Variants in DRC9 observed in about 807,000 individuals in gnomAD.
The protein encoded by DRC9 is dynein regulatory complex subunit 9, also known as dynein regulatory complex protein 9.
At chr3:197,914,833 C>A in the DRC9 span, among the ~76,000 whole-genome samples, 1 of 152,188 alleles carries the variant, frequency 6.6e-6, no homozygotes, top group South Asian at 2.1e-4. Flanking sequence ...AGCGATGGCT[C>A]ATTCGATACC....
the DRC9 span, among the ~76,000 whole-genome samples, chr3:197,896,662 C>T: frequency 3.1e-3 from 476 of 152,270 alleles, 5 homozygotes; most frequent in African/African-American, 0.011. Flanking sequence ...TGGCAAATCC[C>T]GTGTCTGGTG....
At chr3:197,931,207 C>T in the DRC9 span, among the ~76,000 whole-genome samples, 6,979 of 151,314 alleles carry the variant, frequency 0.046, 270 homozygotes, top group African/African-American at 0.1. Flanking sequence ...CCAGGCCGAG[C>T]GCGGTGGCTC....
chr3:197,892,774 C>T, the DRC9 span: 1 of 1,613,816 alleles, frequency 6.2e-7, no homozygotes, highest in Non-Finnish European at 8.5e-7. Context: ...TTGGAAAGAA[C>T]ATGAAAACAT....
chr3:197,912,926 CTGTG>C, the DRC9 span: 1 of 616,020 alleles, frequency 1.6e-6, no homozygotes, highest in Non-Finnish European at 2.9e-6. Context: ...TGGCGCGGCA[CTGTG>C]TGGACTGCGT....
the DRC9 span, among the ~76,000 whole-genome samples, chr3:197,942,339 G>A: frequency 4.0e-3 from 500 of 125,468 alleles, 2 homozygotes; most frequent in African/African-American, 0.013. Flanking sequence ...AGCCAAGATC[G>A]CGCCACTGCA....
chr3:197,953,704 C>CT, the DRC9 span: 6 of 462,110 alleles, frequency 1.3e-5, no homozygotes, highest in Non-Finnish European at 2.0e-5. Flanking sequence ...CACACTTGTC[C>CT]TTTTTTGCTA....
the DRC9 span, among the ~76,000 whole-genome samples, chr3:197,920,821 A>C: frequency 6.6e-6 from 1 of 152,184 alleles, no homozygotes; most frequent in East Asian, 1.9e-4. Flanking sequence ...TGATGTTCAG[A>C]AGTCTGAAAC....
the DRC9 span, chr3:197,957,830 G>A: frequency 6.6e-6 from 1 of 152,172 alleles, no homozygotes; most frequent in Admixed American, 6.5e-5. Context: ...GGGTATTCAG[G>A]GATAGAGGCA....
the DRC9 span, among the ~76,000 whole-genome samples, chr3:197,908,385 C>G: frequency 7.1e-6 from 1 of 140,044 alleles, no homozygotes. Flanking sequence ...TGAAGAGTGA[C>G]CCCTTTCCCA....
chr3:197,950,088 G>C, the DRC9 span: 4 of 1,220,208 alleles, frequency 3.3e-6, no homozygotes, highest in Middle Eastern at 6.3e-4. Flanking sequence ...GTGCGAAGCC[G>C]ATTTCCGAGG....
At chr3:197,913,325 TGTGC>T in the DRC9 span, 1,302 of 190,838 alleles carry the variant, frequency 6.8e-3, 18 homozygotes, top group African/African-American at 0.027. Context: ...GCTTTGCGTG[TGTGC>T]GTGCGTGCGT....
At chr3:197,930,657 GA>G in the DRC9 span, among the ~76,000 whole-genome samples, 3 of 151,496 alleles carry the variant, frequency 2.0e-5, no homozygotes, top group African/African-American at 7.3e-5. Context: ...TTGAGCCTGG[GA>G]CCCAGGATGA....
the DRC9 span, chr3:197,938,578 G>A: frequency 2.0e-5 from 32 of 1,613,338 alleles, no homozygotes; most frequent in African/African-American, 9.3e-5. Flanking sequence ...CAGTGTCTCC[G>A]TAGTCATGAT....
At chr3:197,939,397 T>A in the DRC9 span, among the ~76,000 whole-genome samples, 40 of 152,314 alleles carry the variant, frequency 2.6e-4, no homozygotes, top group Admixed American at 5.2e-4. Context: ...CCAAAATAAT[T>A]TTTTTCAGAA....
At chr3:197,954,337 T>G in the DRC9 span, 1 of 579,982 alleles carries the variant, frequency 1.7e-6, no homozygotes, top group East Asian at 3.2e-5. Context: ...TTGTTTTTTG[T>G]TTTTTTTTTG....
chr3:197,918,553 G>A, the DRC9 span, among the ~76,000 whole-genome samples: 1 of 152,132 alleles, frequency 6.6e-6, no homozygotes, highest in Non-Finnish European at 1.5e-5. Context: ...GCCTTTTGCA[G>A]AAAACCTCAG....
the DRC9 span, chr3:197,954,251 G>C: frequency 8.4e-7 from 1 of 1,184,620 alleles, no homozygotes; most frequent in Non-Finnish European, 1.2e-6. Context: ...ATTGACACCA[G>C]TAAATTATGC....
the DRC9 span, among the ~76,000 whole-genome samples, chr3:197,942,143 A>C: frequency 6.6e-6 from 1 of 152,146 alleles, no homozygotes; most frequent in Non-Finnish European, 1.5e-5. Context: ...GAAAACTTAG[A>C]CCAAAAAAGT....
chr3:197,947,928 CTTTTTTT>C, the DRC9 span, among the ~76,000 whole-genome samples: 402 of 96,796 alleles, frequency 4.2e-3, 1 homozygote, highest in Non-Finnish European at 6.6e-3. Context: ...CCTGCTTTAC[CTTTTTTT>C]TTTTTTTTTT....
Sources: allele counts gnomAD v4.1 joint callset (sites outside exome capture counted in the v4.1 genomes callset), GRCh38; gene constraint gnomAD v4.1.1; transcripts MANE v1.5; gene names NCBI Gene and HGNC (gene_info 2026-07-23, HGNC 2026-07-21).